Variants in POLR1A observed in about 807,000 individuals in gnomAD.
POLR1A encodes the protein DNA-directed RNA polymerase I subunit RPA1.
POLR1A carries 84 observed loss-of-function variants against 205.3 expected under a neutral mutation model. The observed-to-expected ratio is 0.41, with a 90% CI of 0.34 to 0.49. The LOEUF (loss-of-function observed/expected upper bound fraction) is 0.49. Ranked by LOEUF, POLR1A falls within the 20% of genes least tolerant of loss-of-function variation. The pLI is 0.22. For missense variants in POLR1A, 1,645 were observed against 2,204.5 expected, an observed-to-expected ratio of 0.75 and a Z score of 5.08; for synonymous variants, 799 against 863.7, an observed-to-expected ratio of 0.93 and a Z score of 1.31.
In POLR1A at chr2:86,077,878, T is replaced by C. The variant is rs746414903; in HGVS notation, c.1361A>G (p.Asn454Ser). ...VICPDMYINT[N>S]EIGIPMVFAT... ...ACACACCATGGGAATTCCAATTTCG[T>C]TGGTGTTGATGTACATGTCTGGGCA... is the stretch of plus-strand genomic sequence containing the variant. Residue 454 changes from asparagine (N) to serine (S), a missense_variant, in exon 11 of 34, where the codon AAC becomes AGC. This residue lies in a region of POLR1A where 131 missense variants were observed against 214.5 expected (regional missense o/e 0.61). Coordinates refer to ENST00000263857, the MANE Select transcript of POLR1A (RefSeq NM_015425.6). 9.3e-6 allele frequency: 15 copies of C among 1,609,798 alleles called. No homozygotes were observed. In the East Asian group the frequency reaches 2.5e-4, roughly 26 times the overall value.
At chr2:86,066,679 C>T (rs141021783) in intron 13 of POLR1A, among the ~76,000 whole-genome samples, 2 of 152,112 alleles carry the variant, frequency 1.3e-5, no homozygotes, top group African/African-American at 2.4e-5. Context: ...GGGAGAAGCA[C>T]CAGAAATTTA....
At chr2:86,030,714 C>T (rs983439171) in intron 30 of POLR1A, among the ~76,000 whole-genome samples, 2 of 152,192 alleles carry the variant, frequency 1.3e-5, no homozygotes, top group South Asian at 2.1e-4. Context: ...TTGTTTCACG[C>T]GTGCAATCCC....
intron 12 of POLR1A, among the ~76,000 whole-genome samples, chr2:86,073,580 A>C (rs1187057022): frequency 6.6e-6 from 1 of 152,086 alleles, no homozygotes; most frequent in African/African-American, 2.4e-5. Context: ...CATTCCCCTC[A>C]AACTTGTTTC....
intron 3 of POLR1A, among the ~76,000 whole-genome samples, chr2:86,098,311 G>A (rs1043050304): frequency 2.6e-5 from 4 of 152,218 alleles, no homozygotes; most frequent in African/African-American, 9.6e-5. Context: ...TCAAAGAGAT[G>A]TAACAATCAA....
rs182857307 is a variant in POLR1A at position 86,083,297 on chromosome 2, T to A, written c.731-129A>T. On this transcript the variant is annotated intron_variant, in intron 6 of 33. Transcript: ENST00000263857. Reference sequence around the variant, plus strand: ...AAAAATCAATCTCAAGGGTAGCATATTATCAGGCCTGGATTCCCTCTGGCC... The same window carrying A: ...AAAAATCAATCTCAAGGGTAGCATAATATCAGGCCTGGATTCCCTCTGGCC... The A allele has an allele frequency of 1.2e-5, 8 of 689,662 alleles. No individual in the cohort carries two copies. In the East Asian group the frequency reaches 2.2e-4, roughly 19 times the overall value. 42.7% of individuals were successfully genotyped at this position (689,662 alleles called of 1,614,324 possible).
At chr2:86,034,347 C>A (rs1672457333) in intron 27 of POLR1A, among the ~76,000 whole-genome samples, 1 of 152,184 alleles carries the variant, frequency 6.6e-6, no homozygotes, top group South Asian at 2.1e-4. Flanking sequence ...GGTGTGGGAG[C>A]CCCGGCAATG....
At chr2:86,075,999 G>A (rs1438719833) in intron 11 of POLR1A, among the ~76,000 whole-genome samples, 2 of 152,160 alleles carry the variant, frequency 1.3e-5, no homozygotes, top group Non-Finnish European at 2.9e-5. Context: ...CATGGCATCG[G>A]AATATCTCAA....
chr2:86,047,809 G>A (rs763863129), intron 18 of POLR1A, among the ~76,000 whole-genome samples: 1 of 152,204 alleles, frequency 6.6e-6, no homozygotes, highest in South Asian at 2.1e-4. Flanking sequence ...TGAGAAGGGG[G>A]CTCTGAGTCT....
intron 24 of POLR1A, among the ~76,000 whole-genome samples, chr2:86,041,041 G>A (rs138660563): frequency 2.0e-4 from 31 of 152,282 alleles, no homozygotes; most frequent in African/African-American, 6.7e-4. Context: ...GCAAATGGCT[G>A]CAGACCACAT....
intron 3 of POLR1A, among the ~76,000 whole-genome samples, chr2:86,097,239 A>AAAAAAAAAAAAAC (rs1445554154): frequency 6.7e-6 from 1 of 148,914 alleles, no homozygotes; most frequent in Non-Finnish European, 1.5e-5. Context: ...AAAAAAAAAA[A>AAAAAAAAAAAAAC]AAAGCAAATG....
intron 19 of POLR1A, 93 bp downstream of exon 19, chr2:86,047,072 T>A: frequency 2.6e-6 from 2 of 782,252 alleles, no homozygotes; most frequent in Non-Finnish European, 4.4e-6. Context: ...TTACTTGTCA[T>A]GTTTTATAGG....
chr2:86,065,529 T>C (rs1261763478), intron 13 of POLR1A, 64 bp from the exon 14 acceptor site: 2 of 1,463,368 alleles, frequency 1.4e-6, no homozygotes, highest in Non-Finnish European at 1.9e-6. Context: ...CTCTAATCCC[T>C]AATCGCCTGC....
At position 86,043,039 on chromosome 2, in the gene POLR1A, C is replaced by T; in HGVS notation, c.3292G>A (p.Glu1098Lys). 4 of 1,614,172 alleles carry T rather than the reference C, an allele frequency of 2.5e-6. No individual in the cohort carries two copies. Among genetic ancestry groups the T allele is most frequent in the Non-Finnish European group, 3.4e-6 (4 of 1,180,038 alleles). Residue 1098 changes from glutamate (E) to lysine (K), a missense_variant, in exon 23 of 34, where the codon GAA becomes AAA. Glu to Lys is a moderately conservative substitution (Grantham distance 56). This residue lies in a region of POLR1A where 201 missense variants were observed against 222.3 expected (regional missense o/e 0.90). Transcript: ENST00000263857. ...TCAAGTTTCAGGGCTTTCACAGCTT[C>T]CTGAATTTTCTGGGAATAACTCAAG... ...AFLSYSQKIQ[E>K]AVKALKLESE...
rs764808058 is a variant in POLR1A at position 86,088,880 on chromosome 2, T to A, written c.541-10A>T. On this transcript the variant is annotated splice_polypyrimidine_tract_variant and intron_variant, in intron 4 of 33. Coordinates refer to ENST00000263857, the MANE Select transcript of POLR1A (RefSeq NM_015425.6). ...CACACACGTTCTTTACCTGTTTTTT[T>A]AAAAAAAGTCAGAGAACCTTGGAGT... The A allele has an allele frequency of 1.1e-5, 18 of 1,600,048 alleles. No homozygotes were observed. Among genetic ancestry groups the A allele is most frequent in the South Asian group, 3.3e-5 (3 of 89,640 alleles).
At chr2:86,044,048 T>G in intron 22 of POLR1A, 91 bp downstream of exon 22, 2 of 1,268,522 alleles carry the variant, frequency 1.6e-6, no homozygotes, top group African/African-American at 1.5e-5. Context: ...CCACTTGGAC[T>G]GGGTTGCAAA....
Position 86,090,386 on chromosome 2 carries a change from C to CA in POLR1A, c.433-458dup, listed in dbSNP as rs56810530. Among the ~76,000 whole-genome samples the CA allele has an allele frequency of 7.6e-3, 719 of 94,552 alleles. 16 individuals carry two copies. The East Asian group carries it at 0.1, about 13-fold the overall frequency. 62.0% of individuals were successfully genotyped at this position (94,552 alleles called of 152,430 possible). A position where few individuals can be genotyped will look rare whatever the true frequency, so the allele number is the denominator to read the frequency against. On this transcript the variant is annotated intron_variant, in intron 3 of 33. Coordinates refer to ENST00000263857, the MANE Select transcript of POLR1A (RefSeq NM_015425.6). The stretch of plus-strand genomic sequence containing the variant: ...CTGGGTACAGAGCCAGACACCATCT[C>CA]AAAAAAAAAAAAAAAAAAAAAATCA...
chr2:86,096,768 T>G (rs1673712013), intron 3 of POLR1A, among the ~76,000 whole-genome samples: 1 of 151,950 alleles, frequency 6.6e-6, no homozygotes, highest in Non-Finnish European at 1.5e-5. Context: ...TCTACAAAAG[T>G]CAACTCAAAA....
intron 6 of POLR1A, among the ~76,000 whole-genome samples, chr2:86,086,935 C>G (rs1461944104): frequency 6.6e-6 from 1 of 152,154 alleles, no homozygotes; most frequent in Non-Finnish European, 1.5e-5. Context: ...GTAGGAAAAT[C>G]CACTCTTACA....
chr2:86,061,993 C>T (rs1209148371), intron 14 of POLR1A, among the ~76,000 whole-genome samples: 2 of 152,148 alleles, frequency 1.3e-5, no homozygotes, highest in African/African-American at 4.8e-5. Context: ...TCTTTGCATG[C>T]TCTTTGAACA....
Sources: allele counts gnomAD v4.1 joint callset (sites outside exome capture counted in the v4.1 genomes callset), GRCh38; gene constraint gnomAD v4.1.1; regional missense constraint gnomAD v4.1.1; transcripts MANE v1.5; gene names NCBI Gene and HGNC (gene_info 2026-07-23, HGNC 2026-07-21).